PHYKPL: variants seen among roughly 807,000 people sequenced by gnomAD.
PHYKPL encodes the protein 5-phosphonooxy-L-lysine phospho-lyase.
A neutral mutation model predicts 51.3 loss-of-function variants in PHYKPL; 42 were observed. The ratio of observed to expected loss-of-function variants is 0.82; its 90% CI spans 0.64 to 1.06. The LOEUF (loss-of-function observed/expected upper bound fraction) is 1.06, where lower values mean the gene tolerates loss of function less well. PHYKPL is among the 50% of genes least tolerant of loss of function. PHYKPL has a pLI of 0.00. For synonymous variants in PHYKPL, 264 were observed against 236.0 expected, an observed-to-expected ratio of 1.12 and a Z score of -1.09; for missense variants, 655 against 586.6, an observed-to-expected ratio of 1.12 and a Z score of -1.20.
At chr5:178,210,707 G>C in intron 12 of PHYKPL, 8 of 1,102,562 alleles carry the variant, frequency 7.3e-6, no homozygotes, top group Non-Finnish European at 1.1e-5. Flanking sequence ...AATTTAACTT[G>C]GCAAACTTTC....
intron 2 of PHYKPL, among the ~76,000 whole-genome samples, 173 bp downstream of exon 2, chr5:178,231,232 A>C (rs1035768155): frequency 6.6e-6 from 1 of 152,196 alleles, no homozygotes; most frequent in Non-Finnish European, 1.5e-5. Context: ...GCACAGCTCC[A>C]GATTGCAGAA....
intron 1 of PHYKPL, 191 bp downstream of exon 1, chr5:178,232,301 G>A: frequency 2.4e-6 from 3 of 1,257,274 alleles, no homozygotes; most frequent in Non-Finnish European, 3.0e-6. Flanking sequence ...CACCCGCCGG[G>A]ACTGCCCAAC....
rs6877734 is a variant in PHYKPL at position 178,218,087 on chromosome 5, G to T, written c.928-2657C>A. On this transcript the variant is annotated intron_variant, in intron 8 of 12. Coordinates refer to ENST00000308158, the MANE Select transcript of PHYKPL (RefSeq NM_153373.4). ...CAAAAATTAGCCGGGCGTGGTAGCG[G>T]GCGCCTGTAGTCCCAGCTACTCGGG... Among the ~76,000 whole-genome samples the T allele has an allele frequency of 4.0e-4, 35 of 87,630 alleles. 6 individuals carry two copies. Among genetic ancestry groups the T allele is most frequent in the Non-Finnish European group, 5.2e-4 (24 of 46,310 alleles). 57.5% of individuals were successfully genotyped at this position (87,630 alleles called of 152,430 possible). A position where few individuals can be genotyped will look rare whatever the true frequency, so the allele number is the denominator to read the frequency against.
In PHYKPL at chr5:178,229,692, T is replaced by C. The variant is rs567879838; in HGVS notation, c.338+248A>G. ...TCCTTAAGGCAGAAATAAAGGAACA[T>C]ATTACCTCACTAAGCTCCAGCAATG... is the stretch of plus-strand genomic sequence containing the variant. On this transcript the variant is annotated intron_variant, in intron 3 of 12. Transcript: ENST00000308158. 29 of 439,484 alleles carry C rather than the reference T, an allele frequency of 6.6e-5. No homozygotes were observed. The Admixed American group carries it at 9.6e-4, about 15-fold the overall frequency. The allele number at this position is 439,484 out of a possible 1,614,324, so 27.2% of individuals were successfully genotyped here. A position where few individuals can be genotyped will look rare whatever the true frequency, so the allele number is the denominator to read the frequency against.
intron 10 of PHYKPL, among the ~76,000 whole-genome samples, chr5:178,213,792 C>T (rs1225625333): frequency 6.6e-6 from 1 of 152,178 alleles, no homozygotes; most frequent in Non-Finnish European, 1.5e-5. Context: ...TCCCAGTCTT[C>T]CTGGCACTGA....
rs766513675 is a variant in PHYKPL at position 178,224,510 on chromosome 5, C to T, written c.556G>A (p.Ala186Thr). Residue 186 changes from alanine (A) to threonine (T), a missense_variant, in exon 6 of 13, where the codon GCT (alanine) becomes ACT (threonine). Transcript: ENST00000308158. ...TTCACCTCGTTGGCATAGGCCATAGCTGGGTTGGGGTGGTCCTCCCGGTAG... is the reference window on the plus strand; with the variant it reads ...TTCACCTCGTTGGCATAGGCCATAGTTGGGTTGGGGTGGTCCTCCCGGTAG... Reference protein sequence around the residue: ...GPYREDHPNPAMAYANEVKRV... With the variant: ...GPYREDHPNPTMAYANEVKRV... 19 of 1,613,330 alleles carry T rather than the reference C, an allele frequency of 1.2e-5. No homozygotes were observed. Among genetic ancestry groups the T allele is most frequent in the Non-Finnish European group, 1.6e-5 (19 of 1,179,608 alleles).
chr5:178,227,556 C>T (rs115494404), intron 3 of PHYKPL, among the ~76,000 whole-genome samples: 97 of 152,142 alleles, frequency 6.4e-4, no homozygotes, highest in Non-Finnish European at 1.3e-3. Flanking sequence ...CAGTGTGCTC[C>T]GGGAACCAGG....
chr5:178,231,584 C>T, intron 1 of PHYKPL, 61 bp from the exon 2 acceptor site: 2 of 1,612,120 alleles, frequency 1.2e-6, no homozygotes, highest in East Asian at 2.2e-5. Flanking sequence ...GAAGTCTACT[C>T]ATCGCAGACC....
At chr5:178,231,864 T>A (rs567199182) in intron 1 of PHYKPL, 68 of 1,332,292 alleles carry the variant, frequency 5.1e-5, no homozygotes, top group Non-Finnish European at 6.6e-5. Context: ...TAAGGCCGCG[T>A]GTCTTCGATG....
rs892323165 is a variant in PHYKPL, at chr5:178,230,026, G to A, written c.252C>T (p.Tyr84=). 2.5e-6 allele frequency: 4 copies of A among 1,614,114 alleles called. No individual in the cohort carries two copies. The African/African-American group carries it at 4.0e-5, about 16-fold the overall frequency. ...QNQVLNTNSR[Y]LHDNIVDYAQ... ...CATAGTCCACGATGTTGTCATGCAG[G>A]TACCGGCTGTTGGTGTTGAGCACCT... Residue 84 remains tyrosine, a synonymous_variant, in exon 3 of 13, where the codon TAC becomes TAT. Coordinates refer to ENST00000308158, the MANE Select transcript of PHYKPL (RefSeq NM_153373.4).
At chr5:178,228,831 T>G (rs534552588) in intron 3 of PHYKPL, among the ~76,000 whole-genome samples, 2 of 152,336 alleles carry the variant, frequency 1.3e-5, no homozygotes, top group East Asian at 3.9e-4. Flanking sequence ...TGTCCACTCT[T>G]GCACTCCGTT....
rs1458340836 is a variant in PHYKPL, at chr5:178,208,717, AG to A, written c.*229del. 6.6e-6 allele frequency: 1 copy of A among 152,378 alleles called. No individual in the cohort carries two copies. The highest frequency in any genetic ancestry group is 1.9e-4 in the East Asian group (1 of 5,186). The allele number at this position is 152,378 out of a possible 1,614,324, so 9.4% of individuals were successfully genotyped here. On this transcript the variant is annotated 3_prime_UTR_variant, in exon 13 of 13. Transcript: ENST00000308158. ...CTACCCCATTCCACCCCCAGTGGAC[AG>A]AAAGGAAATTGACTGACTTGAGGGG...
At chr5:178,223,501 C>A in intron 6 of PHYKPL, 1 of 456,238 alleles carries the variant, frequency 2.2e-6, no homozygotes. Flanking sequence ...GCAATGATTT[C>A]CCAACCATAT....
At chr5:178,223,530 G>T (rs1409005370) in intron 6 of PHYKPL, 1 of 455,440 alleles carries the variant, frequency 2.2e-6, no homozygotes, top group African/African-American at 2.0e-5. Context: ...ACAGGTGGGA[G>T]GGCAGGGCCA....
At chr5:178,225,040 G>A (rs147231367) in intron 4 of PHYKPL, 566 of 556,960 alleles carry the variant, frequency 1.0e-3, no homozygotes, top group Non-Finnish European at 1.5e-3. Context: ...TGTCAGCCTC[G>A]GCTTTGTGCA....
chr5:178,218,216 C>CAAAAAAAAAAAAAAAAAAAA (rs777929826), intron 8 of PHYKPL, among the ~76,000 whole-genome samples: 1 of 58,280 alleles, frequency 1.7e-5, no homozygotes, highest in African/African-American at 8.0e-5. Context: ...AACTCCGTCT[C>CAAAAAAAAAAAAAAAAAAAA]AAAAAAAAAA....
chr5:178,228,514 C>T, intron 3 of PHYKPL: 1 of 702,500 alleles, frequency 1.4e-6, no homozygotes, highest in Non-Finnish European at 2.6e-6. Context: ...GCTCCCTTCT[C>T]TTTCCAGAGG....
intron 6 of PHYKPL, 26 bp downstream of exon 6, chr5:178,224,422 G>A (rs1761859772): frequency 6.5e-7 from 1 of 1,539,768 alleles, no homozygotes; most frequent in Non-Finnish European, 8.8e-7. Flanking sequence ...CTGTTGGCTG[G>A]ATTGGACAGG....
intron 8 of PHYKPL, among the ~76,000 whole-genome samples, chr5:178,221,469 T>C (rs895152342): frequency 1.3e-5 from 2 of 152,154 alleles, no homozygotes; most frequent in African/African-American, 2.4e-5. Flanking sequence ...TGAGCCTGTC[T>C]TTCCCCGACA....
Sources: allele counts gnomAD v4.1 joint callset (sites outside exome capture counted in the v4.1 genomes callset), GRCh38; gene constraint gnomAD v4.1.1; transcripts MANE v1.5; gene names NCBI Gene and HGNC (gene_info 2026-07-23, HGNC 2026-07-21).